SPATA24: variants seen among roughly 807,000 people sequenced by gnomAD.
The protein encoded by SPATA24 is spermatogenesis associated 24, also known as spermatogenesis-associated protein 24.
SPATA24 carries 21 observed loss-of-function variants against 28.9 expected under a neutral mutation model. That is an observed-to-expected ratio of 0.73 (90% CI 0.52 to 1.05). The LOEUF (loss-of-function observed/expected upper bound fraction) is 1.05, where lower values mean the gene tolerates loss of function less well. Ranked by LOEUF, SPATA24 falls within the 50% of genes least tolerant of loss-of-function variation. The pLI, the probability that SPATA24 is intolerant of heterozygous loss-of-function variation, is 0.00. For missense variants in SPATA24, 215 were observed against 242.9 expected (o/e 0.88, Z 0.76); for synonymous variants, 76 against 89.9 (o/e 0.85, Z 0.88).
At position 139,399,524 on chromosome 5, in the gene SPATA24, C is replaced by T. The variant is rs78917331; in HGVS notation, c.385+2231G>A. 2.0e-3 allele frequency among the ~76,000 whole-genome samples: 303 copies of T among 152,238 alleles called. 1 individual carries two copies. Among genetic ancestry groups the T allele is most frequent in the African/African-American group, 7.1e-3 (294 of 41,530 alleles). On this transcript the variant is annotated intron_variant, in intron 4 of 5. Coordinates refer to ENST00000450845, the MANE Select transcript of SPATA24 (RefSeq NM_194296.2). Reference sequence around the variant, plus strand: ...AGGACTGTTGAACCTCCTTCCCAGGCGTCCAGCTAAGTGGAATTAATTACT... The same window carrying T: ...AGGACTGTTGAACCTCCTTCCCAGGTGTCCAGCTAAGTGGAATTAATTACT...
At chr5:139,403,855 A>T (rs1758873934) in intron 1 of SPATA24, 89 bp downstream of exon 1, 4 of 1,162,636 alleles carry the variant, frequency 3.4e-6, no homozygotes, top group Non-Finnish European at 5.0e-6. Context: ...CGTTCTAGCC[A>T]CGGCCCCCGC....
chr5:139,402,823 G>T (rs2152079769), intron 1 of SPATA24, 130 bp from the exon 2 acceptor site: 1 of 692,412 alleles, frequency 1.4e-6, no homozygotes, highest in Non-Finnish European at 2.5e-6. Flanking sequence ...CCTTGGGAAG[G>T]GAGAATTCAG....
chr5:139,395,050 G>C (rs547099804), downstream of SPATA24: 8 of 1,420,770 alleles, frequency 5.6e-6, no homozygotes, highest in Non-Finnish European at 7.4e-6. Context: ...CGGGATCCCA[G>C]GCAGGGCTGG....
chr5:139,394,038 C>T, downstream of SPATA24: 1 of 1,548,480 alleles, frequency 6.5e-7, no homozygotes, highest in Non-Finnish European at 8.7e-7. Context: ...CCTGGATCTT[C>T]TCCTCTGACT....
chr5:139,394,204 T>C (rs1758650866), downstream of SPATA24: 8 of 1,548,588 alleles, frequency 5.2e-6, no homozygotes, highest in Non-Finnish European at 7.0e-6. Flanking sequence ...CTTAGCCTTC[T>C]CCAGGACCAC....
chr5:139,396,374 T>G (rs1257956884), downstream of SPATA24: 18 of 985,324 alleles, frequency 1.8e-5, no homozygotes, highest in Non-Finnish European at 2.2e-5. Flanking sequence ...AAGCTCCCGT[T>G]TGGGGGAGGT....
At chr5:139,393,028 T>C (rs1409226177), downstream of SPATA24, 4 of 1,526,488 alleles carry the variant, frequency 2.6e-6, no homozygotes, top group Non-Finnish European at 3.5e-6. Context: ...TAGAAAATCC[T>C]TGATGAAAAC....
chr5:139,398,611 G>A (rs1758759744), intron 4 of SPATA24, among the ~76,000 whole-genome samples: 4 of 152,044 alleles, frequency 2.6e-5, no homozygotes, highest in Admixed American at 2.6e-4. Flanking sequence ...ATTTTTCTGT[G>A]TTGGATCAAA....
chr5:139,395,143 T>G, downstream of SPATA24: 1 of 1,361,352 alleles, frequency 7.3e-7, no homozygotes, highest in East Asian at 3.1e-5. Flanking sequence ...GCGCCGGCAC[T>G]GTCCCCGCCC....
chr5:139,401,092 G>A (rs1347378431), intron 4 of SPATA24, among the ~76,000 whole-genome samples: 1 of 152,140 alleles, frequency 6.6e-6, no homozygotes, highest in Admixed American at 6.5e-5. Context: ...AGGAGATGGA[G>A]GTTGCAGTGA....
chr5:139,392,567 G>C, downstream of SPATA24: 1 of 1,353,366 alleles, frequency 7.4e-7, no homozygotes, highest in Non-Finnish European at 9.5e-7. The surrounding 1 kb of genome is among the most constrained non-coding windows in gnomAD (Gnocchi z 5.8). Context: ...AACGCCAGGG[G>C]CTCCCGCGGG....
At chr5:139,398,379 T>C (rs1758754470) in intron 4 of SPATA24, among the ~76,000 whole-genome samples, 1 of 146,964 alleles carries the variant, frequency 6.8e-6, no homozygotes, top group East Asian at 2.0e-4. Context: ...CTGGGCAACA[T>C]AGTGAGACCT....
rs1230724579 is a variant in SPATA24, at chr5:139,398,762, G to A, written c.386-1619C>T. 3.3e-5 allele frequency among the ~76,000 whole-genome samples: 5 copies of A among 151,052 alleles called. No individual in the cohort carries two copies. The East Asian group carries it at 9.8e-4, about 30-fold the overall frequency. The stretch of plus-strand genomic sequence containing the variant: ...CAAGGGGCCAGGCACAGTGGCTCAT[G>A]CCTGTAATCCCAGCACTTTGGGAGG... On this transcript the variant is annotated intron_variant, in intron 4 of 5. Transcript: ENST00000450845.
chr5:139,394,426 G>C (rs1465082405), downstream of SPATA24: 1 of 1,395,632 alleles, frequency 7.2e-7, no homozygotes, highest in Non-Finnish European at 9.2e-7. Flanking sequence ...CGCCCTTGGG[G>C]GACTCTGGGG....
chr5:139,396,714 A>T (rs868277423), downstream of SPATA24: 5 of 1,548,998 alleles, frequency 3.2e-6, no homozygotes, highest in Non-Finnish European at 4.4e-6. Context: ...GGAGGGAAGT[A>T]GCAGGGGCTA....
At chr5:139,393,346 T>A, downstream of SPATA24, 1 of 1,551,342 alleles carries the variant, frequency 6.4e-7, no homozygotes, top group Non-Finnish European at 8.7e-7. Flanking sequence ...TGGGGACTGC[T>A]GACTCCCTCC....
chr5:139,392,905 T>C (rs1561988733), downstream of SPATA24: 1 of 1,540,950 alleles, frequency 6.5e-7, no homozygotes, highest in Non-Finnish European at 8.8e-7. The surrounding 1 kb of genome is among the most constrained non-coding windows in gnomAD (Gnocchi z 5.8). Flanking sequence ...CTTGAAGGGC[T>C]TCGCCGTGCT....
At chr5:139,403,837 G>A in intron 1 of SPATA24, 107 bp downstream of exon 1, 1 of 945,272 alleles carries the variant, frequency 1.1e-6, no homozygotes. Context: ...ATGACGCCAT[G>A]GGCCATGCGT....
downstream of SPATA24, chr5:139,394,881 C>T (rs1210839576): frequency 4.0e-6 from 6 of 1,514,592 alleles, no homozygotes; most frequent in South Asian, 3.7e-5. Context: ...GGCGAGGCTG[C>T]GCGCCCGCCC....
Sources: allele counts gnomAD v4.1 joint callset (sites outside exome capture counted in the v4.1 genomes callset), GRCh38; gene constraint gnomAD v4.1.1; non-coding constraint Gnocchi (gnomAD v3.1); transcripts MANE v1.5; gene names NCBI Gene and HGNC (gene_info 2026-07-23, HGNC 2026-07-21).